DPP10: variants seen among roughly 807,000 people sequenced by gnomAD.
DPP10 encodes the protein inactive dipeptidyl peptidase 10.
DPP10 carries 33 observed loss-of-function variants against 120.9 expected under a neutral mutation model. That is an observed-to-expected ratio of 0.27 (90% CI 0.21 to 0.37). The LOEUF (loss-of-function observed/expected upper bound fraction) is 0.37. DPP10 is among the 10% of genes least tolerant of loss of function. The pLI is 1.00. For synonymous variants in DPP10, 337 were observed against 326.1 expected (o/e 1.03, Z -0.36); for missense variants, 816 against 942.8 (o/e 0.87, Z 1.76).
chr2:114,471,675 G>T (rs1051347847), intron 1 of DPP10, among the ~76,000 whole-genome samples: 3 of 152,160 alleles, frequency 2.0e-5, no homozygotes, highest in African/African-American at 7.2e-5. Flanking sequence ...AATTGGAGAT[G>T]AATTTCTTAT....
chr2:115,270,120 A>G (rs1188512498), intron 1 of DPP10, among the ~76,000 whole-genome samples: 1 of 145,936 alleles, frequency 6.9e-6, no homozygotes, highest in Non-Finnish European at 1.5e-5. Flanking sequence ...ACACAGACAC[A>G]CACACAAACA....
chr2:115,823,007 G>A (rs1575897636), intron 21 of DPP10, among the ~76,000 whole-genome samples: 1 of 151,936 alleles, frequency 6.6e-6, no homozygotes, highest in African/African-American at 2.4e-5. Flanking sequence ...CTTTGCTGAT[G>A]TGTATTTTTA....
intron 1 of DPP10, among the ~76,000 whole-genome samples, chr2:115,162,611 G>A (rs2052503768): frequency 6.6e-6 from 1 of 152,122 alleles, no homozygotes; most frequent in South Asian, 2.1e-4. Flanking sequence ...ACGGAGCTTG[G>A]GGAGCGGCGA....
chr2:114,775,004 G>A (rs1177383056), intron 1 of DPP10, among the ~76,000 whole-genome samples: 1 of 152,078 alleles, frequency 6.6e-6, no homozygotes, highest in East Asian at 1.9e-4. Flanking sequence ...GATAGATCAA[G>A]TGACTTATCT....
intron 1 of DPP10, among the ~76,000 whole-genome samples, chr2:115,141,394 C>T (rs765153838): frequency 2.6e-5 from 4 of 152,088 alleles, no homozygotes; most frequent in Admixed American, 1.3e-4. Context: ...TTGATCTTCC[C>T]GACACATTTT....
chr2:115,777,141 C>A, intron 13 of DPP10, 67 bp from the exon 14 acceptor site: 2 of 1,403,456 alleles, frequency 1.4e-6, no homozygotes, highest in East Asian at 2.3e-5. Flanking sequence ...GCAGTTGGTA[C>A]ATTCGTGTTT....
chr2:115,120,456 A>G (rs899662691), intron 1 of DPP10, among the ~76,000 whole-genome samples: 3 of 152,158 alleles, frequency 2.0e-5, no homozygotes, highest in African/African-American at 7.2e-5. Context: ...GGACTTAAAG[A>G]CAAGGAGCCT....
intron 1 of DPP10, among the ~76,000 whole-genome samples, chr2:114,683,031 A>C (rs1699131473): frequency 6.6e-6 from 1 of 151,950 alleles, no homozygotes; most frequent in African/African-American, 2.4e-5. Flanking sequence ...TTTGCTAATC[A>C]CTATAGGAGC....
intron 1 of DPP10, among the ~76,000 whole-genome samples, chr2:115,187,019 C>CTTTTTTT (rs147014349): frequency 1.6e-5 from 1 of 63,180 alleles, no homozygotes; most frequent in African/African-American, 5.2e-5. Flanking sequence ...TGCAAAGATT[C>CTTTTTTT]TTTTTTTTTT....
intron 1 of DPP10, among the ~76,000 whole-genome samples, chr2:114,849,143 A>T (rs1002734482): frequency 1.3e-5 from 2 of 152,246 alleles, no homozygotes; most frequent in Admixed American, 1.3e-4. Context: ...CCCTGGATTA[A>T]CTGGATATGG....
At position 115,420,992 on chromosome 2, in the gene DPP10, C is replaced by T. The variant is rs182029715; in HGVS notation, c.271+77080C>T. Among the ~76,000 whole-genome samples the T allele has an allele frequency of 1.5e-4, 23 of 152,144 alleles. 1 individual carries two copies. The East Asian group carries it at 4.4e-3, about 29-fold the overall frequency. On this transcript the variant is annotated intron_variant, in intron 3 of 25. Transcript: ENST00000410059. Reference sequence around the variant, plus strand: ...ATTGTTATAAGATATATTTCGTAATCTTTCTCCCTGAAATTGGAAGCAATG... The same window carrying T: ...ATTGTTATAAGATATATTTCGTAATTTTTCTCCCTGAAATTGGAAGCAATG...
chr2:115,707,019 C>T (rs1438706027), intron 7 of DPP10, among the ~76,000 whole-genome samples: 2 of 151,898 alleles, frequency 1.3e-5, no homozygotes, highest in Non-Finnish European at 2.9e-5. Flanking sequence ...TTACATTAAT[C>T]AGCTACAGCC....
chr2:115,570,090 C>T (rs1017604534), intron 5 of DPP10, among the ~76,000 whole-genome samples: 9 of 152,264 alleles, frequency 5.9e-5, no homozygotes, highest in South Asian at 4.1e-4. Context: ...CTTTTTCTGA[C>T]GTTGAAAAGT....
chr2:115,587,089 C>CTTTCT (rs2082333593), intron 5 of DPP10, among the ~76,000 whole-genome samples: 127 of 103,904 alleles, frequency 1.2e-3, no homozygotes, highest in South Asian at 2.0e-3. Flanking sequence ...TTTTCTCTTT[C>CTTTCT]TTTTTTTTTT....
At chr2:115,163,948 A>G (rs1201338375) in intron 1 of DPP10, among the ~76,000 whole-genome samples, 1 of 152,232 alleles carries the variant, frequency 6.6e-6, no homozygotes, top group Non-Finnish European at 1.5e-5. Context: ...TAAAATTCAT[A>G]TGAAGAGATA....
intron 1 of DPP10, among the ~76,000 whole-genome samples, chr2:114,679,982 G>T (rs1395171213): frequency 6.6e-6 from 1 of 152,014 alleles, no homozygotes; most frequent in African/African-American, 2.4e-5. Context: ...TTCTCCGCAG[G>T]TATTTTCCCC....
intron 1 of DPP10, among the ~76,000 whole-genome samples, chr2:115,014,764 A>G (rs1232281786): frequency 2.6e-5 from 4 of 151,984 alleles, no homozygotes; most frequent in Non-Finnish European, 5.9e-5. Flanking sequence ...ATTCCTGGAC[A>G]TATACACCCT....
Position 115,309,339 on chromosome 2 carries a change from T to A in DPP10, c.161T>A (p.Ile54Asn). The A allele has an allele frequency of 1.2e-6, 2 of 1,613,394 alleles. No homozygotes were observed. The highest frequency in any genetic ancestry group is 1.7e-6 in the Non-Finnish European group (2 of 1,179,502). Residue 54 changes from isoleucine to asparagine, a missense_variant, in exon 2 of 26, where the codon ATC (isoleucine) becomes AAC (asparagine). Transcript: ENST00000410059. ...TGCTCACTCATCACTATGTCAGTCA[T>A]CCTCTTAACCCCAGGTAATCTGTCT... ...VVCSLITMSV[I>N]LLTPDELTNS...
chr2:115,482,761 C>T (rs1230734599), intron 3 of DPP10, among the ~76,000 whole-genome samples: 1 of 151,982 alleles, frequency 6.6e-6, no homozygotes, highest in East Asian at 1.9e-4. Flanking sequence ...GGATATATCA[C>T]ATTTTATCAA....
Sources: allele counts gnomAD v4.1 joint callset (sites outside exome capture counted in the v4.1 genomes callset), GRCh38; gene constraint gnomAD v4.1.1; transcripts MANE v1.5; gene names NCBI Gene and HGNC (gene_info 2026-07-23, HGNC 2026-07-21).